ELP4: variants seen among roughly 807,000 people sequenced by gnomAD.
ELP4 encodes the protein elongator complex protein 4.
In ELP4, 51 loss-of-function variants were observed where a neutral mutation model predicts 48.9. The observed-to-expected ratio is 1.04, with a 90% CI of 0.83 to 1.32. The LOEUF is 1.32. Among genes scored for constraint, ELP4 ranks in the 40% most tolerant of loss-of-function variants. The probability of loss-of-function intolerance (pLI) is 0.00; values close to 1 mark genes in which losing one functional copy is unlikely to be tolerated. For synonymous variants in ELP4, 210 were observed against 189.2 expected, an observed-to-expected ratio of 1.11 and a Z score of -0.90; for missense variants, 519 against 514.6, an observed-to-expected ratio of 1.01 and a Z score of -0.08.
intron 9 of ELP4, among the ~76,000 whole-genome samples, chr11:31,739,386 T>G (rs1947397902): frequency 6.6e-6 from 1 of 152,204 alleles, no homozygotes; most frequent in Non-Finnish European, 1.5e-5. Context: ...TGTATAGCAC[T>G]TTTTATTTGT....
intron 5 of ELP4, among the ~76,000 whole-genome samples, chr11:31,623,496 A>G (rs1005725034): frequency 6.7e-6 from 1 of 149,164 alleles, no homozygotes; most frequent in East Asian, 2.0e-4. Context: ...TTAATCCCAT[A>G]TATTCAAAAA....
chr11:31,515,005 G>GTA (rs1488603729), intron 1 of ELP4, among the ~76,000 whole-genome samples: 1 of 116,358 alleles, frequency 8.6e-6, no homozygotes, highest in Non-Finnish European at 1.8e-5. Context: ...GTATGCATGT[G>GTA]TGTGTGTGTG....
chr11:31,698,267 GTTAT>G (rs1364255035), intron 9 of ELP4, among the ~76,000 whole-genome samples: 4 of 152,142 alleles, frequency 2.6e-5, no homozygotes, highest in African/African-American at 7.2e-5. Flanking sequence ...CTTTCTGTAA[GTTAT>G]TTATTGAGCA....
intron 7 of ELP4, chr11:31,645,999 A>C (rs1277027881): frequency 6.6e-6 from 1 of 151,522 alleles, no homozygotes; most frequent in African/African-American, 2.4e-5. Context: ...GTGAAGAATA[A>C]CTGGCTGAAA....
chr11:31,570,373 A>G (rs916940610), intron 3 of ELP4, among the ~76,000 whole-genome samples: 3 of 151,742 alleles, frequency 2.0e-5, no homozygotes, highest in African/African-American at 7.3e-5. Context: ...GGAAGGAGTG[A>G]GGCAAGGGTT....
intron 9 of ELP4, among the ~76,000 whole-genome samples, chr11:31,725,723 C>G (rs1209220495): frequency 6.6e-6 from 1 of 152,214 alleles, no homozygotes; most frequent in African/African-American, 2.4e-5. Context: ...CTTCCCGAAA[C>G]TTCTTAAGTT....
chr11:31,675,552 C>T (rs964785212), intron 9 of ELP4, among the ~76,000 whole-genome samples: 7 of 152,066 alleles, frequency 4.6e-5, no homozygotes, highest in South Asian at 2.1e-4. Context: ...TGAGCCACCG[C>T]GCCCAGCTAC....
At chr11:31,615,286 C>A (rs1592160822) in intron 5 of ELP4, among the ~76,000 whole-genome samples, 1 of 151,790 alleles carries the variant, frequency 6.6e-6, no homozygotes, top group Admixed American at 6.6e-5. Context: ...AAATTGAATA[C>A]CCTACTTCAA....
intron 9 of ELP4, among the ~76,000 whole-genome samples, chr11:31,701,068 A>G (rs1039319950): frequency 5.9e-5 from 9 of 152,128 alleles, no homozygotes; most frequent in African/African-American, 1.9e-4. Flanking sequence ...TTGATTAGCC[A>G]TAGTGGCTAA....
chr11:31,562,988 AATC>A (rs1957046370), intron 3 of ELP4, among the ~76,000 whole-genome samples: 1 of 152,184 alleles, frequency 6.6e-6, no homozygotes, highest in African/African-American at 2.4e-5. Context: ...TATGGCAATG[AATC>A]AGTAATATCT....
intron 9 of ELP4, among the ~76,000 whole-genome samples, chr11:31,746,594 T>C (rs1467108740): frequency 6.6e-6 from 1 of 152,160 alleles, no homozygotes; most frequent in African/African-American, 2.4e-5. Context: ...TGTAGGGACA[T>C]GGATGAAACT....
intron 3 of ELP4, among the ~76,000 whole-genome samples, chr11:31,565,432 A>T (rs10835785): frequency 0.61 from 82,629 of 134,870 alleles, 27,043 homozygotes; most frequent in African/African-American, 0.87. Context: ...GGTGTTTTAG[A>T]CATGAAGTCC....
chr11:31,769,777 A>G (rs1190307182), intron 9 of ELP4, among the ~76,000 whole-genome samples: 1 of 152,198 alleles, frequency 6.6e-6, no homozygotes, highest in Non-Finnish European at 1.5e-5. Context: ...TAGTTTCCAT[A>G]TAATATACTT....
chr11:31,619,645 T>C (rs546919664), intron 5 of ELP4, among the ~76,000 whole-genome samples: 1 of 149,634 alleles, frequency 6.7e-6, no homozygotes, highest in African/African-American at 2.5e-5. Flanking sequence ...CCCAAAATTT[T>C]CACCTCTGTT....
intron 1 of ELP4, chr11:31,511,386 AAAGGTTATGTTTCTATTATAATG>A (rs1956001516): frequency 6.6e-6 from 1 of 152,174 alleles, no homozygotes; most frequent in Non-Finnish European, 1.5e-5. Flanking sequence ...TTCCAAACAA[AAAGGTTATGTTTCTATTATAATG>A]TCTTCAGTTC....
At chr11:31,722,864 C>T (rs1325105146) in intron 9 of ELP4, among the ~76,000 whole-genome samples, 5 of 152,174 alleles carry the variant, frequency 3.3e-5, no homozygotes, top group Non-Finnish European at 7.3e-5. Context: ...ACACAAGCAG[C>T]CCATTAGGTA....
At chr11:31,526,720 C>G (rs1346291392) in intron 2 of ELP4, among the ~76,000 whole-genome samples, 1 of 151,962 alleles carries the variant, frequency 6.6e-6, no homozygotes, top group Non-Finnish European at 1.5e-5. Flanking sequence ...CATCTTTCAT[C>G]TGTACTTTAA....
chr11:31,557,942 T>A (rs895829177), intron 3 of ELP4, among the ~76,000 whole-genome samples: 3 of 152,114 alleles, frequency 2.0e-5, no homozygotes, highest in Admixed American at 2.0e-4. Context: ...ATTTTAGCAC[T>A]ATATATCTTT....
Position 31,594,886 on chromosome 11 carries a change from A to G in ELP4, c.498A>G (p.Leu166=). ...TGAAAATAGCTTGGCGTTACCAGTT[A>G]TTACCCAAGATGGAGGCAAGTAAAC... is the stretch of plus-strand genomic sequence containing the variant. The part of the protein sequence containing the change: ...IKMKIAWRYQ[L]LPKMEIGPVS... The change falls in exon 4 of 10, where the codon TTA becomes TTG. Residue 166 remains leucine, a synonymous_variant. Coordinates refer to ENST00000640961, the MANE Select transcript of ELP4 (RefSeq NM_019040.5). 3.2e-6 allele frequency: 5 copies of G among 1,556,636 alleles called. No homozygotes were observed. The highest frequency in any genetic ancestry group is 1.4e-5 in the African/African-American group (1 of 71,444).
Sources: allele counts gnomAD v4.1 joint callset (sites outside exome capture counted in the v4.1 genomes callset), GRCh38; gene constraint gnomAD v4.1.1; transcripts MANE v1.5; gene names NCBI Gene and HGNC (gene_info 2026-07-23, HGNC 2026-07-21).